PTPRG: variants seen among roughly 807,000 people sequenced by gnomAD.
PTPRG encodes receptor-type tyrosine-protein phosphatase gamma.
Under a neutral mutation model 165.3 loss-of-function variants are expected in PTPRG, and 102 were observed. The ratio of observed to expected loss-of-function variants is 0.62; its 90% CI spans 0.53 to 0.73. The LOEUF (loss-of-function observed/expected upper bound fraction) is 0.73. PTPRG is among the 30% of genes least tolerant of loss of function. The pLI is 0.00. For synonymous variants in PTPRG, 675 were observed against 669.5 expected (o/e 1.01, Z -0.13); for missense variants, 1,866 against 1,861.4 (o/e 1.00, Z -0.05).
intron 1 of PTPRG, among the ~76,000 whole-genome samples, chr3:61,679,659 T>C (rs1703359652): frequency 6.6e-6 from 1 of 152,102 alleles, no homozygotes; most frequent in African/African-American, 2.4e-5. Flanking sequence ...TGCACGCCTG[T>C]AATCCCAGCT....
At chr3:62,109,004 C>T (rs1334026136) in intron 5 of PTPRG, among the ~76,000 whole-genome samples, 1 of 151,800 alleles carries the variant, frequency 6.6e-6, no homozygotes. Context: ...TGCCTGTTCA[C>T]CCTGATGATA....
chr3:62,110,502 A>C (rs1702632095), intron 5 of PTPRG, among the ~76,000 whole-genome samples: 1 of 152,002 alleles, frequency 6.6e-6, no homozygotes, highest in Non-Finnish European at 1.5e-5. Context: ...AGATTTATTC[A>C]GTAACGTCTG....
chr3:62,049,328 T>C (rs1409439838), intron 4 of PTPRG, among the ~76,000 whole-genome samples: 1 of 152,202 alleles, frequency 6.6e-6, no homozygotes, highest in Admixed American at 6.5e-5. Context: ...CTCCATTTTC[T>C]AATAAGTTAG....
intron 7 of PTPRG, among the ~76,000 whole-genome samples, chr3:62,162,748 C>T (rs2106716731): frequency 6.6e-6 from 1 of 152,350 alleles, no homozygotes; most frequent in Non-Finnish European, 1.5e-5. Context: ...TCCATTTCTC[C>T]ACTGCAGTGT....
chr3:61,887,151 TATATATATATATATATA>T (rs2038068081), intron 2 of PTPRG, among the ~76,000 whole-genome samples: 4 of 59,290 alleles, frequency 6.7e-5, no homozygotes, highest in East Asian at 7.0e-4. Context: ...TATATATATA[TATATATATATATATATA>T]TATTTTTAAT....
At chr3:61,609,155 T>C (rs944320716) in intron 1 of PTPRG, among the ~76,000 whole-genome samples, 1 of 152,230 alleles carries the variant, frequency 6.6e-6, no homozygotes, top group South Asian at 2.1e-4. Context: ...TAGGAAGTTA[T>C]TGGACTTCCC....
chr3:61,871,909 C>A (rs1489092534), intron 2 of PTPRG, among the ~76,000 whole-genome samples: 1 of 152,130 alleles, frequency 6.6e-6, no homozygotes, highest in African/African-American at 2.4e-5. Flanking sequence ...CATTAAGAAT[C>A]CAGGGATCTG....
intron 1 of PTPRG, among the ~76,000 whole-genome samples, chr3:61,661,169 C>T (rs1049569756): frequency 1.3e-5 from 2 of 151,978 alleles, no homozygotes; most frequent in African/African-American, 4.8e-5. Flanking sequence ...AACTCCTGGG[C>T]TCAAGCAATC....
At chr3:62,038,896 G>A (rs1249671691) in intron 4 of PTPRG, among the ~76,000 whole-genome samples, 5 of 152,018 alleles carry the variant, frequency 3.3e-5, no homozygotes, top group Non-Finnish European at 5.9e-5. Context: ...AGTCACCCAG[G>A]TATTAAGCCT....
chr3:61,897,011 C>T (rs918576928), intron 2 of PTPRG, among the ~76,000 whole-genome samples: 2 of 151,160 alleles, frequency 1.3e-5, no homozygotes, highest in Admixed American at 1.3e-4. Flanking sequence ...AGTATTTTTC[C>T]CAGTCTGTAA....
chr3:61,868,360 A>G (rs2037468665), intron 2 of PTPRG, among the ~76,000 whole-genome samples: 1 of 152,194 alleles, frequency 6.6e-6, no homozygotes, highest in South Asian at 2.1e-4. Context: ...CCTGAGTGCT[A>G]GAAGAAAGGC....
chr3:61,564,554 G>C (rs1699859662), intron 1 of PTPRG, among the ~76,000 whole-genome samples: 1 of 152,204 alleles, frequency 6.6e-6, no homozygotes, highest in South Asian at 2.1e-4. Context: ...TGTGGGAAAG[G>C]GAAAGGACAG....
At chr3:61,776,568 A>G (rs1055936055) in intron 2 of PTPRG, among the ~76,000 whole-genome samples, 1 of 152,092 alleles carries the variant, frequency 6.6e-6, no homozygotes, top group Non-Finnish European at 1.5e-5. Context: ...TGAACTGGGA[A>G]AGTACTTTCT....
intron 2 of PTPRG, among the ~76,000 whole-genome samples, chr3:61,800,906 A>G (rs1037616858): frequency 6.6e-6 from 1 of 152,026 alleles, no homozygotes; most frequent in Non-Finnish European, 1.5e-5. Flanking sequence ...CAGCCTCCCA[A>G]AGTGCTGGGA....
At chr3:62,243,719 G>T in intron 14 of PTPRG, 88 bp from the exon 15 acceptor site, 1 of 813,836 alleles carries the variant, frequency 1.2e-6, no homozygotes. Context: ...GTTTAAAGCT[G>T]GGAAGATCTA....
At chr3:62,072,887 C>G (rs1010807533) in intron 4 of PTPRG, among the ~76,000 whole-genome samples, 1 of 151,946 alleles carries the variant, frequency 6.6e-6, no homozygotes, top group African/African-American at 2.4e-5. Context: ...ACCTTTGAAC[C>G]AGGACTTAAA....
chr3:61,911,099 C>T (rs1218435251), intron 2 of PTPRG, among the ~76,000 whole-genome samples: 1 of 152,190 alleles, frequency 6.6e-6, no homozygotes, highest in Non-Finnish European at 1.5e-5. Context: ...TTAGGAAAGC[C>T]CCTCTTGACC....
intron 2 of PTPRG, among the ~76,000 whole-genome samples, chr3:61,923,366 G>A (rs1042772281): frequency 6.6e-6 from 1 of 151,890 alleles, no homozygotes; most frequent in African/African-American, 2.4e-5. Flanking sequence ...CCGTGAAATC[G>A]CCAGCGTTTT....
At chr3:61,823,402 A>G (rs2036012177) in intron 2 of PTPRG, among the ~76,000 whole-genome samples, 2 of 152,066 alleles carry the variant, frequency 1.3e-5, no homozygotes, top group Admixed American at 6.6e-5. Context: ...GTTGAGCAGG[A>G]TGGTCTCAAT....
Sources: allele counts gnomAD v4.1 joint callset (sites outside exome capture counted in the v4.1 genomes callset), GRCh38; gene constraint gnomAD v4.1.1; transcripts MANE v1.5; gene names NCBI Gene and HGNC (gene_info 2026-07-23, HGNC 2026-07-21).